Variants in GPHN observed in about 807,000 individuals in gnomAD.
The protein encoded by GPHN is gephyrin.
In GPHN, 17 loss-of-function variants were observed where a neutral mutation model predicts 95.5. That is an observed-to-expected ratio of 0.18 (90% confidence interval 0.12 to 0.27). The LOEUF (loss-of-function observed/expected upper bound fraction) is 0.27. GPHN is among the 10% of genes least tolerant of loss of function. The pLI is 1.00. For missense variants in GPHN, 660 were observed against 978.1 expected (o/e 0.67, Z 4.34); for synonymous variants, 320 against 322.5 (o/e 0.99, Z 0.08).
chr14:67,376,803 C>G, the GPHN span, among the ~76,000 whole-genome samples: 1 of 152,184 alleles, frequency 6.6e-6, no homozygotes. Context: ...TTATCTCACA[C>G]ATTTTCCTTT....
chr14:67,272,595 C>G, the GPHN span, among the ~76,000 whole-genome samples: 4 of 152,150 alleles, frequency 2.6e-5, no homozygotes, highest in Non-Finnish European at 5.9e-5. Flanking sequence ...TTACCTCTTT[C>G]TCTTATTCAC....
intron 1 of GPHN, among the ~76,000 whole-genome samples, chr14:66,587,513 A>G (rs2061471089): frequency 6.6e-6 from 1 of 152,220 alleles, no homozygotes; most frequent in Admixed American, 6.5e-5. Context: ...AACACATTAT[A>G]AGGATCTGTT....
At chr14:66,847,342 C>T (rs184052984) in intron 4 of GPHN, among the ~76,000 whole-genome samples, 52 of 151,684 alleles carry the variant, frequency 3.4e-4, no homozygotes, top group African/African-American at 9.7e-4. Context: ...CAGATTATGC[C>T]GATATTTTAA....
chr14:66,683,352 A>T (rs80297652), intron 2 of GPHN, among the ~76,000 whole-genome samples: 11 of 14,160 alleles, frequency 7.8e-4, no homozygotes, highest in African/African-American at 3.5e-3. Context: ...ATATATATAT[A>T]TATATATATA....
chr14:66,622,448 C>T (rs2063348283), intron 1 of GPHN, among the ~76,000 whole-genome samples: 1 of 152,154 alleles, frequency 6.6e-6, no homozygotes, highest in South Asian at 2.1e-4. Context: ...ACATTCAGCT[C>T]CTCATTACTT....
intron 20 of GPHN, among the ~76,000 whole-genome samples, chr14:67,167,245 G>T (rs116993001): frequency 2.0e-5 from 3 of 151,970 alleles, no homozygotes; most frequent in Non-Finnish European, 4.4e-5. Context: ...GTCCTTTTTC[G>T]TACATAGCAA....
the GPHN span, chr14:67,349,070 C>T: frequency 6.2e-7 from 1 of 1,614,102 alleles, no homozygotes; most frequent in Non-Finnish European, 8.5e-7. Context: ...CGAATCTTCA[C>T]TTGCGCTTTA....
chr14:67,149,396 G>A (rs771924596), intron 18 of GPHN, among the ~76,000 whole-genome samples: 1 of 152,052 alleles, frequency 6.6e-6, no homozygotes, highest in Non-Finnish European at 1.5e-5. Flanking sequence ...CTTTATTGTT[G>A]TTATTTTCAA....
At chr14:67,170,094 A>G (rs1415870340) in intron 21 of GPHN, among the ~76,000 whole-genome samples, 1 of 152,174 alleles carries the variant, frequency 6.6e-6, no homozygotes, top group African/African-American at 2.4e-5. Flanking sequence ...AAAAATAAAA[A>G]GATAAAATAT....
intron 3 of GPHN, among the ~76,000 whole-genome samples, chr14:66,778,267 G>A (rs968269636): frequency 2.6e-5 from 4 of 152,126 alleles, no homozygotes; most frequent in African/African-American, 9.7e-5. Flanking sequence ...CAACTTACAA[G>A]GGACATGAAG....
chr14:67,227,703 A>T, the GPHN span: 1 of 152,170 alleles, frequency 6.6e-6, no homozygotes, highest in African/African-American at 2.4e-5. Flanking sequence ...AGTACAGCAC[A>T]GATTAAGAAC....
At chr14:67,298,312 G>C in the GPHN span, among the ~76,000 whole-genome samples, 1 of 151,984 alleles carries the variant, frequency 6.6e-6, no homozygotes, top group Non-Finnish European at 1.5e-5. Context: ...TCAGGAGTTC[G>C]AGACTAGTCT....
chr14:67,532,101 T>TGAGCTGAACGTA, the GPHN span, among the ~76,000 whole-genome samples: 1 of 152,154 alleles, frequency 6.6e-6, no homozygotes, highest in Non-Finnish European at 1.5e-5. Flanking sequence ...GTTCAGCCAT[T>TGAGCTGAACGTA]GAAGTCCCAT....
intron 11 of GPHN, among the ~76,000 whole-genome samples, chr14:67,086,575 C>T (rs1309372228): frequency 6.7e-6 from 1 of 150,198 alleles, no homozygotes; most frequent in Non-Finnish European, 1.5e-5. Flanking sequence ...GGCGTGAACC[C>T]CAGGGGGCGG....
chr14:66,788,290 C>T (rs1166149687), intron 3 of GPHN, among the ~76,000 whole-genome samples: 1 of 152,222 alleles, frequency 6.6e-6, no homozygotes, highest in Non-Finnish European at 1.5e-5. Context: ...GTCTGGGCAA[C>T]AGAACGAGAC....
At chr14:67,332,751 A>C in the GPHN span, 2 of 1,587,404 alleles carry the variant, frequency 1.3e-6, no homozygotes, top group Non-Finnish European at 1.7e-6. Context: ...GAAAGGAATT[A>C]TCTCACAGTT....
At chr14:66,530,774 C>T (rs191825006) in intron 1 of GPHN, among the ~76,000 whole-genome samples, 68 of 152,154 alleles carry the variant, frequency 4.5e-4, no homozygotes, top group African/African-American at 1.5e-3. Flanking sequence ...TCTGCTCGCC[C>T]TCTGTGGGCT....
chr14:67,460,251 T>C, the GPHN span, among the ~76,000 whole-genome samples: 1 of 152,122 alleles, frequency 6.6e-6, no homozygotes, highest in African/African-American at 2.4e-5. Flanking sequence ...GAGGAGTCCC[T>C]GGGCCAGATC....
At chr14:66,693,241 T>G (rs915425045) in intron 2 of GPHN, among the ~76,000 whole-genome samples, 2 of 152,218 alleles carry the variant, frequency 1.3e-5, no homozygotes, top group Admixed American at 1.3e-4. Context: ...TTGAAATTTG[T>G]GAGGAAAATT....
Sources: gnomAD v4.1 joint callset for allele counts (sites outside exome capture counted in the v4.1 genomes callset) on GRCh38, gnomAD v4.1.1 for gene constraint, MANE v1.5 for transcripts, NCBI Gene and HGNC (gene_info 2026-07-23, HGNC 2026-07-21) for gene names.